The following GPC5 variants were observed in gnomAD, a reference collection of about 807,000 sequenced individuals.
The protein encoded by GPC5 is glypican 5.
In GPC5, 47 loss-of-function variants were observed where a neutral mutation model predicts 53.9. The observed-to-expected ratio is 0.87, with a 90% CI of 0.69 to 1.11. GPC5 has a LOEUF of 1.11. Among genes scored for constraint, GPC5 ranks in the 50% most tolerant of loss-of-function variants. GPC5 has a pLI of 0.00. For synonymous variants in GPC5, 286 were observed against 263.3 expected (o/e 1.09, Z -0.84); for missense variants, 748 against 713.1 (o/e 1.05, Z -0.56).
chr13:91,817,574 G>C (rs571079873), intron 5 of GPC5, among the ~76,000 whole-genome samples: 1 of 152,292 alleles, frequency 6.6e-6, no homozygotes, highest in South Asian at 2.1e-4. Flanking sequence ...GTGGGAAGTT[G>C]ATATGTATTT....
At chr13:92,669,964 T>C (rs2139203350) in intron 7 of GPC5, among the ~76,000 whole-genome samples, 1 of 152,324 alleles carries the variant, frequency 6.6e-6, no homozygotes. Context: ...TTTTTCTACA[T>C]TTATACCAAT....
intron 7 of GPC5, among the ~76,000 whole-genome samples, chr13:92,510,741 G>A (rs1352104871): frequency 2.6e-5 from 4 of 152,162 alleles, no homozygotes; most frequent in Admixed American, 6.5e-5. Flanking sequence ...GGCTTATGCT[G>A]ATTTTCCACC....
intron 5 of GPC5, among the ~76,000 whole-genome samples, chr13:91,774,687 C>T (rs2037681067): frequency 6.6e-6 from 1 of 152,078 alleles, no homozygotes; most frequent in Non-Finnish European, 1.5e-5. Flanking sequence ...ATGCTCTGCT[C>T]CTCACACCCC....
chr13:92,828,368 T>A (rs190111945), intron 7 of GPC5, among the ~76,000 whole-genome samples: 74 of 152,212 alleles, frequency 4.9e-4, no homozygotes, highest in Non-Finnish European at 3.1e-4. Context: ...TTTACTTGGT[T>A]ATTTTAAGTT....
chr13:92,532,851 TGAAA>T (rs1881609308), intron 7 of GPC5, among the ~76,000 whole-genome samples: 1 of 152,118 alleles, frequency 6.6e-6, no homozygotes, highest in African/African-American at 2.4e-5. Context: ...TTTTGCAAAA[TGAAA>T]GAACATATAA....
intron 7 of GPC5, among the ~76,000 whole-genome samples, chr13:92,317,116 C>T (rs2043184587): frequency 6.6e-6 from 1 of 152,022 alleles, no homozygotes; most frequent in South Asian, 2.1e-4. Flanking sequence ...GTTATTTTGA[C>T]CAAAAATTAT....
chr13:91,612,751 C>T (rs1262587428), intron 2 of GPC5, among the ~76,000 whole-genome samples: 1 of 152,036 alleles, frequency 6.6e-6, no homozygotes, highest in Non-Finnish European at 1.5e-5. Flanking sequence ...TAACTCATCA[C>T]CCTAATTTAT....
At chr13:91,908,715 G>A (rs1202997984) in intron 6 of GPC5, among the ~76,000 whole-genome samples, 2 of 151,956 alleles carry the variant, frequency 1.3e-5, no homozygotes, top group Non-Finnish European at 2.9e-5. Context: ...GTTGCATGTT[G>A]TAAATATTAC....
intron 7 of GPC5, among the ~76,000 whole-genome samples, chr13:92,698,545 T>C (rs1395879121): frequency 1.3e-5 from 2 of 152,234 alleles, no homozygotes; most frequent in African/African-American, 4.8e-5. Flanking sequence ...ATGTGCCACA[T>C]TTTCTTAATC....
intron 7 of GPC5, among the ~76,000 whole-genome samples, chr13:92,359,447 T>A (rs895122190): frequency 5.3e-5 from 8 of 151,658 alleles, no homozygotes; most frequent in African/African-American, 2.0e-4. Flanking sequence ...AAACTGTTCC[T>A]ACCTCTGCCC....
intron 2 of GPC5, among the ~76,000 whole-genome samples, chr13:91,571,917 CATATT>C (rs1566516162): frequency 9.5e-6 from 1 of 105,030 alleles, no homozygotes; most frequent in Non-Finnish European, 2.0e-5. Context: ...TATATATACA[CATATT>C]GTATATATAC....
At position 92,084,066 on chromosome 13, in the gene GPC5, G is replaced by A. The variant is rs188960116; in HGVS notation, c.1402-60764G>A. On this transcript the variant is annotated intron_variant, in intron 6 of 7. Transcript: ENST00000377067. ...ATGTTCTCACTTATAAGTGGGAGCT[G>A]AATAATGAGAACACATGGACACAGG... Among the ~76,000 whole-genome samples, 528 of 152,214 alleles carry A rather than the reference G, an allele frequency of 3.5e-3. 2 individuals carry two copies. The highest frequency in any genetic ancestry group is 0.011 in the African/African-American group (468 of 41,534).
chr13:92,473,283 A>T (rs1207491211), intron 7 of GPC5, among the ~76,000 whole-genome samples: 1 of 152,066 alleles, frequency 6.6e-6, no homozygotes, highest in Admixed American at 6.6e-5. Context: ...ACAGACTTTG[A>T]GTTTTGTGTT....
intron 7 of GPC5, among the ~76,000 whole-genome samples, chr13:92,281,005 A>G (rs1480425897): frequency 6.6e-6 from 1 of 152,182 alleles, no homozygotes; most frequent in African/African-American, 2.4e-5. Flanking sequence ...CAGTCAAGGG[A>G]GGCGGTGACA....
At chr13:92,119,473 A>G (rs1594770660) in intron 6 of GPC5, among the ~76,000 whole-genome samples, 1 of 126,274 alleles carries the variant, frequency 7.9e-6, no homozygotes, top group African/African-American at 3.1e-5. Context: ...ATCTCGGCTC[A>G]CTGCAGGCTC....
At chr13:92,374,880 T>TA (rs201086148) in intron 7 of GPC5, among the ~76,000 whole-genome samples, 20 of 135,040 alleles carry the variant, frequency 1.5e-4, no homozygotes, top group Admixed American at 1.5e-4. Flanking sequence ...AAAAAAAAAA[T>TA]AAAAAAAAAA....
intron 5 of GPC5, among the ~76,000 whole-genome samples, chr13:91,872,902 A>T (rs2039163077): frequency 6.6e-6 from 1 of 152,202 alleles, no homozygotes; most frequent in Admixed American, 6.5e-5. Flanking sequence ...AGGAAACTTA[A>T]TGATGGTTTT....
intron 7 of GPC5, among the ~76,000 whole-genome samples, chr13:92,264,375 G>A (rs35927186): frequency 0.11 from 16,163 of 152,124 alleles, 956 homozygotes; most frequent in African/African-American, 0.17. Flanking sequence ...AGGCAAAAGA[G>A]AGGTGAGCCC....
At chr13:92,752,010 CTG>C (rs1424188504) in intron 7 of GPC5, among the ~76,000 whole-genome samples, 1 of 151,358 alleles carries the variant, frequency 6.6e-6, no homozygotes, top group Non-Finnish European at 1.5e-5. Flanking sequence ...ATAATAGTAT[CTG>C]TTTTAATTTG....
Sources: allele counts gnomAD v4.1 joint callset (sites outside exome capture counted in the v4.1 genomes callset), GRCh38; gene constraint gnomAD v4.1.1; transcripts MANE v1.5; gene names NCBI Gene and HGNC (gene_info 2026-07-23, HGNC 2026-07-21).